The following POLR1D variants were observed in gnomAD, a reference collection of about 807,000 sequenced individuals.
The protein encoded by POLR1D is DNA-directed RNA polymerases I and III subunit RPAC2.
A neutral mutation model predicts 10.8 loss-of-function variants in POLR1D; 8 were observed. That is an observed-to-expected ratio of 0.74 (90% CI 0.43 to 1.33). The LOEUF is 1.33. Among genes scored for constraint, POLR1D ranks in the 40% most tolerant of loss-of-function variants. The probability of loss-of-function intolerance (pLI) is 0.01; values close to 1 mark genes in which losing one functional copy is unlikely to be tolerated. For missense variants in POLR1D, 152 were observed against 161.7 expected (o/e 0.94, Z 0.32); for synonymous variants, 54 against 57.2 (o/e 0.94, Z 0.25).
chr13:27,625,329 T>A (rs897756020), downstream of POLR1D, among the ~76,000 whole-genome samples: 3 of 152,006 alleles, frequency 2.0e-5, no homozygotes, highest in African/African-American at 7.2e-5. Context: ...TATAAAGAGT[T>A]GAAGTGGCCT....
chr13:27,655,464 G>T (rs1956300131), intron 2 of POLR1D, among the ~76,000 whole-genome samples: 1 of 152,060 alleles, frequency 6.6e-6, no homozygotes, highest in Non-Finnish European at 1.5e-5. Context: ...CTTTTGTTTG[G>T]GATGCAGATT....
At chr13:27,638,893 C>T (rs1237477941) in intron 1 of POLR1D, among the ~76,000 whole-genome samples, 1 of 151,922 alleles carries the variant, frequency 6.6e-6, no homozygotes, top group Non-Finnish European at 1.5e-5. Context: ...CCAAACTTCT[C>T]CCTCATTAAA....
At chr13:27,628,305 A>G (rs1401770107), downstream of POLR1D, among the ~76,000 whole-genome samples, 1 of 152,236 alleles carries the variant, frequency 6.6e-6, no homozygotes, top group Non-Finnish European at 1.5e-5. Flanking sequence ...AGCACATACT[A>G]TACGGAGGCA....
chr13:27,630,825 A>G (rs1200652437), intron 1 of POLR1D, among the ~76,000 whole-genome samples: 4 of 152,210 alleles, frequency 2.6e-5, no homozygotes, highest in African/African-American at 7.2e-5. Context: ...AGGTTGTGTC[A>G]TGTTATCCAT....
chr13:27,653,195 C>T (rs915887317), intron 2 of POLR1D, among the ~76,000 whole-genome samples: 21 of 151,952 alleles, frequency 1.4e-4, no homozygotes, highest in African/African-American at 4.1e-4. Flanking sequence ...CCACCGTGCC[C>T]GGCCTGTATT....
chr13:27,623,228 G>T lies in POLR1D; in HGVS notation c.380G>T (p.Ser127Ile), dbSNP rs534978633. 52 of 1,614,028 alleles carry T rather than the reference G, an allele frequency of 3.2e-5. No homozygotes were observed. Among genetic ancestry groups the T allele is most frequent in the South Asian group, 3.0e-4 (27 of 91,006 alleles). ...AAGGACTATAAGGATCAAAAAGCAA[G>T]CAGAAATGAATCCACATTCTAGTCC... ...SIKDYKDQKA[S>I]RNESTF The change falls in exon 2 of 2, where the codon AGC (serine) becomes ATC (isoleucine). Residue 127 changes from serine to isoleucine, a missense_variant. Transcript: ENST00000302979.
At chr13:27,620,904 G>C (rs1955901110), upstream of POLR1D, 1 of 152,664 alleles carries the variant, frequency 6.6e-6, no homozygotes, top group South Asian at 2.1e-4. Flanking sequence ...AGGAATCGCG[G>C]GGCGGGGTGG....
intron 1 of POLR1D, chr13:27,646,117 T>C (rs1956218460): frequency 6.6e-6 from 1 of 152,240 alleles, no homozygotes; most frequent in South Asian, 2.1e-4. Context: ...TTGTAACTGA[T>C]ACATATTTTG....
chr13:27,655,026 T>C (rs930399086), intron 2 of POLR1D, among the ~76,000 whole-genome samples: 2 of 152,122 alleles, frequency 1.3e-5, no homozygotes, highest in South Asian at 2.1e-4. Flanking sequence ...CTGCTTTAGA[T>C]AGGTGCCAGC....
At chr13:27,636,570 C>T (rs1337172299) in intron 1 of POLR1D, among the ~76,000 whole-genome samples, 5 of 152,132 alleles carry the variant, frequency 3.3e-5, no homozygotes, top group Non-Finnish European at 7.4e-5. Flanking sequence ...ATCAAGCAAA[C>T]GCTAAGAGAG....
At chr13:27,621,192 G>A (rs1168015398), upstream of POLR1D, 1 of 152,706 alleles carries the variant, frequency 6.5e-6, no homozygotes, top group Non-Finnish European at 1.5e-5. Flanking sequence ...TGGGGAGAAA[G>A]GGAAAAGGAA....
downstream of POLR1D, among the ~76,000 whole-genome samples, chr13:27,625,593 C>G (rs565404968): frequency 6.6e-6 from 1 of 150,930 alleles, no homozygotes; most frequent in African/African-American, 2.4e-5. Context: ...AGTTGGAGAT[C>G]GTGGAAGAGA....
intron 1 of POLR1D, 89 bp from the exon 2 acceptor site, chr13:27,622,786 G>T (rs1955961388): frequency 2.6e-6 from 2 of 775,890 alleles, no homozygotes; most frequent in Admixed American, 2.2e-5. Context: ...TAATAATAAT[G>T]TGTTGCAATG....
At chr13:27,629,626 T>C (rs577973455) in intron 1 of POLR1D, among the ~76,000 whole-genome samples, 27 of 152,324 alleles carry the variant, frequency 1.8e-4, no homozygotes, top group Non-Finnish European at 3.7e-4. Context: ...GTTAAACCCA[T>C]AGCTTTTAAG....
intron 1 of POLR1D, chr13:27,648,362 T>C (rs975823882): frequency 2.6e-6 from 4 of 1,551,882 alleles, no homozygotes. Context: ...CTCAAATCTT[T>C]TCCTTTTTCT....
At chr13:27,656,778 G>T (rs766413244) in intron 2 of POLR1D, among the ~76,000 whole-genome samples, 62 of 152,068 alleles carry the variant, frequency 4.1e-4, no homozygotes, top group Non-Finnish European at 7.9e-4. Flanking sequence ...CTTAATAAAT[G>T]TGTGCAGACC....
exon 3 of POLR1D, chr13:27,666,562 T>C (rs1193579270): frequency 3.9e-5 from 6 of 152,256 alleles, no homozygotes; most frequent in African/African-American, 1.4e-4. Flanking sequence ...TTCCTGTGCA[T>C]TCTCAAACTC....
At chr13:27,635,990 G>A (rs530962415) in intron 1 of POLR1D, among the ~76,000 whole-genome samples, 73 of 152,158 alleles carry the variant, frequency 4.8e-4, no homozygotes, top group African/African-American at 1.6e-3. Context: ...GCACTGAGAG[G>A]TGTTTTAGGG....
chr13:27,659,935 TACAC>T (rs1375539304), intron 2 of POLR1D, among the ~76,000 whole-genome samples: 13 of 141,734 alleles, frequency 9.2e-5, no homozygotes, highest in South Asian at 9.0e-4. Flanking sequence ...TACACACACA[TACAC>T]ACACACACAT....
Sources: allele counts gnomAD v4.1 joint callset (sites outside exome capture counted in the v4.1 genomes callset), GRCh38; gene constraint gnomAD v4.1.1; transcripts MANE v1.5; gene names NCBI Gene and HGNC (gene_info 2026-07-23, HGNC 2026-07-21).